CELF2: variants seen among roughly 807,000 people sequenced by gnomAD.
CELF2 encodes the protein CUG triplet repeat RNA-binding protein 2.
Under a neutral mutation model 62.6 loss-of-function variants are expected in CELF2, and 8 were observed. The ratio of observed to expected loss-of-function variants is 0.13; its 90% CI spans 0.07 to 0.23. The LOEUF (loss-of-function observed/expected upper bound fraction) is 0.23, where lower values mean the gene tolerates loss of function less well. CELF2 is among the 10% of genes least tolerant of loss of function. The probability of loss-of-function intolerance (pLI) is 1.00; values close to 1 mark genes in which losing one functional copy is unlikely to be tolerated. For synonymous variants in CELF2, 258 were observed against 250.0 expected (o/e 1.03, Z -0.30); for missense variants, 333 against 671.0 (o/e 0.50, Z 5.56).
chr10:10,558,103 G>C, the CELF2 span, among the ~76,000 whole-genome samples: 2 of 151,716 alleles, frequency 1.3e-5, no homozygotes, highest in African/African-American at 4.8e-5. Context: ...GGGCATCCCT[G>C]TCTTGTGCCA....
At chr10:10,752,146 G>A in the CELF2 span, among the ~76,000 whole-genome samples, 1 of 152,216 alleles carries the variant, frequency 6.6e-6, no homozygotes, top group Non-Finnish European at 1.5e-5. Context: ...ATATCCAGAT[G>A]TTGGTTCCAT....
chr10:10,616,945 CAT>C, the CELF2 span, among the ~76,000 whole-genome samples: 2 of 151,886 alleles, frequency 1.3e-5, no homozygotes, highest in Non-Finnish European at 2.9e-5. Flanking sequence ...TTTGTAGAGA[CAT>C]AGTCTCGCTA....
the CELF2 span, among the ~76,000 whole-genome samples, chr10:10,721,916 A>T: frequency 3.3e-5 from 5 of 152,360 alleles, no homozygotes; most frequent in Admixed American, 3.3e-4. Flanking sequence ...TTCATCTGTA[A>T]ATTGAGGGTC....
At position 11,251,270 on chromosome 10, in the gene CELF2, A is replaced by ATTTTTTT. The variant is rs66615560; in HGVS notation, c.403+2090_403+2096dup. On this transcript the variant is annotated intron_variant, in intron 4 of 12. Coordinates refer to ENST00000633077, the MANE Select transcript of CELF2 (RefSeq NM_001326342.2). ...TATCCCAGTACTGAAACACAAAGGG[A>ATTTTTTT]TTTTTTTTTTTTTTTTTTTTTTTTT... Among the ~76,000 whole-genome samples, 8 of 63,296 alleles carry ATTTTTTT rather than the reference A, an allele frequency of 1.3e-4. 1 individual carries two copies. In the East Asian group the frequency reaches 1.8e-3, roughly 15 times the overall value. The allele number at this position is 63,296 out of a possible 152,430, so 41.5% of individuals were successfully genotyped here.
intron 1 of CELF2, among the ~76,000 whole-genome samples, chr10:11,076,856 G>A (rs907804103): frequency 5.9e-5 from 9 of 152,188 alleles, no homozygotes; most frequent in African/African-American, 2.2e-4. Context: ...GCTTACAGGG[G>A]ATTGACTGTA....
chr10:11,050,887 GC>G (rs562480564), intron 1 of CELF2, among the ~76,000 whole-genome samples: 31 of 152,200 alleles, frequency 2.0e-4, no homozygotes, highest in African/African-American at 7.2e-4. Flanking sequence ...TCACTCACTC[GC>G]CCACTGGGCC....
the CELF2 span, among the ~76,000 whole-genome samples, chr10:10,631,899 A>C: frequency 6.6e-6 from 1 of 152,194 alleles, no homozygotes; most frequent in African/African-American, 2.4e-5. Flanking sequence ...AACTTGGTTC[A>C]CCTCTAATCA....
At chr10:11,229,418 C>T (rs1480351760) in intron 3 of CELF2, among the ~76,000 whole-genome samples, 1 of 152,040 alleles carries the variant, frequency 6.6e-6, no homozygotes, top group Non-Finnish European at 1.5e-5. Context: ...TATAAAGAAC[C>T]GATGAAGACA....
At position 11,110,996 on chromosome 10, in the gene CELF2, A is replaced by C. The variant is rs1392760178; in HGVS notation, c.75-54490A>C. ...AGGGTTATAAGGTTGGAAGATAATC[A>C]GCTCAGCCTCTCCCACTCTGAGTAC... On this transcript the variant is annotated intron_variant, in intron 1 of 12. Coordinates refer to ENST00000633077, the MANE Select transcript of CELF2 (RefSeq NM_001326342.2). The surrounding 1 kb of genome is among the most constrained non-coding windows in gnomAD (Gnocchi z 4.0). Among the ~76,000 whole-genome samples the C allele has an allele frequency of 6.6e-6, 1 of 152,218 alleles. No individual in the cohort carries two copies. Among genetic ancestry groups the C allele is most frequent in the African/African-American group, 2.4e-5 (1 of 41,456 alleles).
rs549055664 is a variant in CELF2, at chr10:10,904,873, C to T, written c.54-15091C>T. On this transcript the variant is annotated intron_variant, in intron 1 of 13. Coordinates refer to the CELF2 transcript ENST00000636488. ...TTCCTGAGAAGCAGTTGGAAAAACA[C>T]TTCAAGATCTATAAGTAAAATTGAG... 3.3e-5 allele frequency among the ~76,000 whole-genome samples: 5 copies of T among 152,322 alleles called. 1 individual carries two copies. In the East Asian group the frequency reaches 9.6e-4, roughly 29 times the overall value.
intron 2 of CELF2, among the ~76,000 whole-genome samples, chr10:11,188,127 C>CT (rs1441834055): frequency 1.3e-5 from 2 of 152,138 alleles, no homozygotes; most frequent in Non-Finnish European, 2.9e-5. Flanking sequence ...TTTTTTGAGA[C>CT]TGAGTTTCGC....
At chr10:10,606,503 G>A in the CELF2 span, among the ~76,000 whole-genome samples, 5 of 152,154 alleles carry the variant, frequency 3.3e-5, no homozygotes, top group Non-Finnish European at 7.3e-5. Flanking sequence ...AAACTGAGGA[G>A]AGGCAGGCAC....
In CELF2 at chr10:11,223,937, AC is replaced by A. The variant is rs2065678949; in HGVS notation, c.354+6432del. Reference sequence around the variant, plus strand: ...CACCCGCCATAAAGTTTTACACACTACCTGAATAGCAGGTTGTTTTGGTTTT... The same window carrying A: ...CACCCGCCATAAAGTTTTACACACTACTGAATAGCAGGTTGTTTTGGTTTT... On this transcript the variant is annotated intron_variant, in intron 3 of 12. Coordinates refer to ENST00000633077, the MANE Select transcript of CELF2 (RefSeq NM_001326342.2). The surrounding 1 kb of genome is among the most constrained non-coding windows in gnomAD (Gnocchi z 5.1). Among the ~76,000 whole-genome samples, 2 of 152,252 alleles carry A rather than the reference AC, an allele frequency of 1.3e-5. No individual in the cohort carries two copies. The highest frequency in any genetic ancestry group is 4.8e-5 in the African/African-American group (2 of 41,470).
the CELF2 span, among the ~76,000 whole-genome samples, chr10:10,480,468 CAT>C: frequency 1.3e-5 from 2 of 152,174 alleles, no homozygotes; most frequent in African/African-American, 4.8e-5. Flanking sequence ...TTCAGAGAAA[CAT>C]AGCAAACAAT....
chr10:10,569,646 A>G, the CELF2 span, among the ~76,000 whole-genome samples: 1 of 152,298 alleles, frequency 6.6e-6, no homozygotes, highest in East Asian at 1.9e-4. Context: ...ATACATTTTA[A>G]AGAGAGAGGA....
intron 2 of CELF2, among the ~76,000 whole-genome samples, chr10:10,955,002 T>G (rs2048741438): frequency 6.6e-6 from 1 of 152,244 alleles, no homozygotes; most frequent in Non-Finnish European, 1.5e-5. Flanking sequence ...AGCTTAGCAA[T>G]TTTATTTCTG....
At chr10:11,241,804 C>T (rs1157399296) in intron 3 of CELF2, among the ~76,000 whole-genome samples, 1 of 152,034 alleles carries the variant, frequency 6.6e-6, no homozygotes, top group Non-Finnish European at 1.5e-5. Flanking sequence ...AATAGAAGGT[C>T]TCGTGGTGGG....
intron 1 of CELF2, among the ~76,000 whole-genome samples, chr10:10,849,890 C>G (rs548666974): frequency 1.3e-5 from 2 of 152,034 alleles, no homozygotes; most frequent in African/African-American, 4.8e-5. Context: ...TGCCTGTAAT[C>G]CCAGGACTTT....
intron 2 of CELF2, among the ~76,000 whole-genome samples, chr10:11,182,461 C>A (rs1381570914): frequency 6.6e-6 from 1 of 152,160 alleles, no homozygotes; most frequent in African/African-American, 2.4e-5. Context: ...ATACTTTGCC[C>A]CTAGTTGTGA....
Sources: gnomAD v4.1 joint callset for allele counts (sites outside exome capture counted in the v4.1 genomes callset) on GRCh38, gnomAD v4.1.1 for gene constraint, Gnocchi (gnomAD v3.1) non-coding constraint, MANE v1.5 for transcripts, NCBI Gene and HGNC (gene_info 2026-07-23, HGNC 2026-07-21) for gene names.